The following MYO1D variants were observed in gnomAD, a reference collection of about 807,000 sequenced individuals.
MYO1D encodes unconventional myosin-Id.
MYO1D carries 83 observed loss-of-function variants against 122.0 expected under a neutral mutation model. That is an observed-to-expected ratio of 0.68 (90% CI 0.57 to 0.82). MYO1D has a LOEUF of 0.82. Among genes scored for constraint, MYO1D ranks in the 40% least tolerant of loss-of-function variants. MYO1D has a pLI of 0.00. For synonymous variants in MYO1D, 464 were observed against 446.9 expected (o/e 1.04, Z -0.48); for missense variants, 1,157 against 1,269.5 (o/e 0.91, Z 1.35).
chr17:32,504,445 G>C (rs536765870), intron 21 of MYO1D: 3 of 150,622 alleles, frequency 2.0e-5, no homozygotes, highest in African/African-American at 7.5e-5. Flanking sequence ...GCCCAAGCTC[G>C]TGGATGCTAG....
At chr17:32,600,399 CG>C (rs1314802260) in intron 21 of MYO1D, among the ~76,000 whole-genome samples, 1 of 152,202 alleles carries the variant, frequency 6.6e-6, no homozygotes, top group Non-Finnish European at 1.5e-5. Context: ...TCTCTAGCTA[CG>C]GAAGTCCTAG....
chr17:32,713,237 T>C (rs999607267), intron 15 of MYO1D, among the ~76,000 whole-genome samples: 3 of 152,182 alleles, frequency 2.0e-5, no homozygotes, highest in African/African-American at 2.4e-5. Context: ...TGGTGTGAGG[T>C]ATGGATCTAA....
chr17:32,688,175 C>T (rs1386466520), intron 16 of MYO1D, among the ~76,000 whole-genome samples: 1 of 152,132 alleles, frequency 6.6e-6, no homozygotes, highest in Non-Finnish European at 1.5e-5. Context: ...GATTTGCCTT[C>T]CTTGCCCACT....
chr17:32,805,828 T>C (rs1258683031), intron 1 of MYO1D, among the ~76,000 whole-genome samples: 2 of 152,180 alleles, frequency 1.3e-5, no homozygotes, highest in African/African-American at 4.8e-5. Flanking sequence ...CTTCCTAGAG[T>C]TACTCCCTGA....
intron 15 of MYO1D, among the ~76,000 whole-genome samples, chr17:32,719,031 A>T (rs2089479004): frequency 6.6e-6 from 1 of 152,248 alleles, no homozygotes; most frequent in South Asian, 2.1e-4. Context: ...AAGTTAACAT[A>T]GTCAAGAGAA....
intron 1 of MYO1D, among the ~76,000 whole-genome samples, chr17:32,796,216 T>C (rs1186878994): frequency 6.6e-6 from 1 of 152,206 alleles, no homozygotes; most frequent in African/African-American, 2.4e-5. Context: ...ATTTGGCTAC[T>C]TGGCATACCT....
intron 6 of MYO1D, among the ~76,000 whole-genome samples, chr17:32,768,806 C>CAA (rs563047370): frequency 6.6e-6 from 1 of 150,532 alleles, no homozygotes; most frequent in African/African-American, 2.4e-5. Flanking sequence ...CACCAGCATA[C>CAA]AAAAAAAAAC....
chr17:32,727,143 T>C (rs2089586939), intron 14 of MYO1D, among the ~76,000 whole-genome samples: 1 of 152,126 alleles, frequency 6.6e-6, no homozygotes, highest in Admixed American at 6.5e-5. Context: ...AGAATACTCA[T>C]AGGCCACATT....
At chr17:32,588,980 AC>A (rs2087415162) in intron 21 of MYO1D, among the ~76,000 whole-genome samples, 1 of 145,888 alleles carries the variant, frequency 6.9e-6, no homozygotes, top group Non-Finnish European at 1.5e-5. Context: ...CAAAAAAAAA[AC>A]CCACAAAAAA....
intron 1 of MYO1D, among the ~76,000 whole-genome samples, chr17:32,790,479 G>A (rs183047586): frequency 2.0e-5 from 3 of 152,160 alleles, no homozygotes; most frequent in Non-Finnish European, 2.9e-5. Flanking sequence ...TTGTAATACC[G>A]GTCACAAGTT....
At chr17:32,580,879 T>G (rs967633215) in intron 21 of MYO1D, among the ~76,000 whole-genome samples, 11 of 152,242 alleles carry the variant, frequency 7.2e-5, no homozygotes, top group Non-Finnish European at 1.6e-4. Context: ...AATTCCTAAA[T>G]CTATGCTCTT....
chr17:32,691,259 C>CA (rs35755676), intron 16 of MYO1D, among the ~76,000 whole-genome samples: 3,843 of 121,938 alleles, frequency 0.032, 146 homozygotes, highest in African/African-American at 0.1. Flanking sequence ...GACACTGCCT[C>CA]AAAAAAAAAA....
At chr17:32,787,143 GA>G (rs1024957112) in intron 1 of MYO1D, among the ~76,000 whole-genome samples, 5 of 150,304 alleles carry the variant, frequency 3.3e-5, no homozygotes, top group African/African-American at 1.2e-4. Context: ...CCAGAAGAGA[GA>G]AAAAAAATCC....
intron 19 of MYO1D, among the ~76,000 whole-genome samples, chr17:32,643,454 G>C (rs1055782593): frequency 6.6e-6 from 1 of 152,168 alleles, no homozygotes; most frequent in Non-Finnish European, 1.5e-5. Context: ...AGTTAGGGAG[G>C]ATTCCCTCTT....
intron 21 of MYO1D, among the ~76,000 whole-genome samples, chr17:32,503,103 C>T (rs902311202): frequency 4.6e-5 from 7 of 152,200 alleles, no homozygotes; most frequent in Admixed American, 1.3e-4. Context: ...TAGAGAAACC[C>T]GTGAGTAAAT....
At chr17:32,530,176 C>T (rs531539192) in intron 21 of MYO1D, 4 of 152,188 alleles carry the variant, frequency 2.6e-5, no homozygotes, top group South Asian at 2.1e-4. Flanking sequence ...CTGTGTTCAT[C>T]GAGCCGCTCC....
At chr17:32,726,991 C>A (rs2150995533) in intron 14 of MYO1D, among the ~76,000 whole-genome samples, 1 of 152,138 alleles carries the variant, frequency 6.6e-6, no homozygotes, top group African/African-American at 2.4e-5. Context: ...AATGATATTG[C>A]AATAAGTCAA....
intron 20 of MYO1D, among the ~76,000 whole-genome samples, chr17:32,619,157 A>T (rs1049133500): frequency 3.3e-5 from 5 of 152,114 alleles, no homozygotes; most frequent in Non-Finnish European, 7.4e-5. Context: ...TCACTTCAAC[A>T]AGTTTTTAAT....
At chr17:32,728,787 T>C (rs1256805848) in intron 14 of MYO1D, among the ~76,000 whole-genome samples, 1 of 152,196 alleles carries the variant, frequency 6.6e-6, no homozygotes, top group Non-Finnish European at 1.5e-5. Context: ...TAAGGCATCA[T>C]ATGAAGAGTA....
Sources: allele counts gnomAD v4.1 joint callset (sites outside exome capture counted in the v4.1 genomes callset), GRCh38; gene constraint gnomAD v4.1.1; transcripts MANE v1.5; gene names NCBI Gene and HGNC (gene_info 2026-07-23, HGNC 2026-07-21).